Variants in GRID2 observed in about 807,000 individuals in gnomAD.
GRID2 encodes the protein glutamate ionotropic receptor delta type subunit 2.
A neutral mutation model predicts 114.8 loss-of-function variants in GRID2; 33 were observed. The ratio of observed to expected loss-of-function variants is 0.29; its 90% CI spans 0.22 to 0.38. The LOEUF is 0.38. Among genes scored for constraint, GRID2 ranks in the 10% least tolerant of loss-of-function variants. The probability of loss-of-function intolerance (pLI) is 1.00; values close to 1 mark genes in which losing one functional copy is unlikely to be tolerated. For missense variants in GRID2, 1,184 were observed against 1,257.7 expected, an observed-to-expected ratio of 0.94 and a Z score of 0.89; for synonymous variants, 505 against 449.9, an observed-to-expected ratio of 1.12 and a Z score of -1.55.
At chr4:93,754,560 TAGAC>T (rs1227807005) in intron 14 of GRID2, among the ~76,000 whole-genome samples, 3 of 152,180 alleles carry the variant, frequency 2.0e-5, no homozygotes, top group Non-Finnish European at 2.9e-5. Context: ...TAGAAACAAA[TAGAC>T]AGAGTGTAGT....
chr4:93,263,115 C>G (rs1256817346), intron 8 of GRID2, among the ~76,000 whole-genome samples: 1 of 151,780 alleles, frequency 6.6e-6, no homozygotes, highest in Non-Finnish European at 1.5e-5. Flanking sequence ...ATATTTTTCT[C>G]TCATTTATAT....
chr4:92,869,205 T>G (rs1343014610), intron 2 of GRID2, among the ~76,000 whole-genome samples: 1 of 152,210 alleles, frequency 6.6e-6, no homozygotes, highest in Non-Finnish European at 1.5e-5. Flanking sequence ...CTGGTGATAC[T>G]GTCATTAGCT....
intron 2 of GRID2, among the ~76,000 whole-genome samples, chr4:92,757,248 A>G (rs1257412901): frequency 2.0e-5 from 3 of 152,064 alleles, no homozygotes; most frequent in Non-Finnish European, 2.9e-5. Context: ...TGTGGAGGCC[A>G]CTTGTTTTCA....
At chr4:92,337,223 A>G (rs1727234662) in intron 1 of GRID2, among the ~76,000 whole-genome samples, 1 of 151,722 alleles carries the variant, frequency 6.6e-6, no homozygotes, top group Non-Finnish European at 1.5e-5. Flanking sequence ...AATGTTTTTA[A>G]TTTTGGATTG....
chr4:93,045,888 A>G (rs759762610), intron 2 of GRID2, among the ~76,000 whole-genome samples: 3 of 152,126 alleles, frequency 2.0e-5, no homozygotes, highest in Non-Finnish European at 2.9e-5. Flanking sequence ...TTCTAAGCCA[A>G]GTATTTATGG....
At chr4:93,245,402 G>A (rs1748088766) in intron 8 of GRID2, among the ~76,000 whole-genome samples, 1 of 152,206 alleles carries the variant, frequency 6.6e-6, no homozygotes, top group South Asian at 2.1e-4. Context: ...TCCTATCAGA[G>A]TTGGGCACTT....
intron 2 of GRID2, among the ~76,000 whole-genome samples, chr4:92,633,177 T>G (rs941688791): frequency 6.6e-6 from 1 of 151,400 alleles, no homozygotes; most frequent in Admixed American, 6.6e-5. Flanking sequence ...TAAGTGCTAA[T>G]GTATGTTCAA....
chr4:92,342,882 C>T (rs1027337345), intron 1 of GRID2, among the ~76,000 whole-genome samples: 4 of 152,048 alleles, frequency 2.6e-5, no homozygotes, highest in African/African-American at 9.7e-5. Context: ...GAGTTGACAA[C>T]CTATAGAAAG....
chr4:92,902,350 G>A (rs993727025), intron 2 of GRID2, among the ~76,000 whole-genome samples: 3 of 151,936 alleles, frequency 2.0e-5, no homozygotes, highest in African/African-American at 7.2e-5. Flanking sequence ...CTCGCTTAAT[G>A]TAGCTAGTGG....
At chr4:93,077,630 A>G (rs1209764398) in intron 2 of GRID2, among the ~76,000 whole-genome samples, 2 of 152,194 alleles carry the variant, frequency 1.3e-5, no homozygotes, top group East Asian at 3.9e-4. Context: ...TTTGCTTGTT[A>G]TGTTTATGAT....
intron 9 of GRID2, among the ~76,000 whole-genome samples, chr4:93,404,972 A>G (rs115898293): frequency 0.012 from 1,887 of 152,194 alleles, 43 homozygotes; most frequent in African/African-American, 0.043. Context: ...TCCTTTAGAG[A>G]CAATTCAGTA....
At chr4:92,927,599 G>A (rs1160043231) in intron 2 of GRID2, among the ~76,000 whole-genome samples, 1 of 151,790 alleles carries the variant, frequency 6.6e-6, no homozygotes, top group Non-Finnish European at 1.5e-5. Context: ...CAGTAACCAT[G>A]CCTGACCTTT....
chr4:93,038,910 C>G (rs1016538406), intron 2 of GRID2, among the ~76,000 whole-genome samples: 10 of 151,952 alleles, frequency 6.6e-5, no homozygotes, highest in Admixed American at 1.3e-4. Context: ...GACAGTGTGG[C>G]GATTCCTCAA....
At chr4:93,452,357 G>A (rs1459034469) in intron 10 of GRID2, among the ~76,000 whole-genome samples, 1 of 151,854 alleles carries the variant, frequency 6.6e-6, no homozygotes, top group East Asian at 1.9e-4. Context: ...TGGGGAAAAA[G>A]AGTTTTCTCA....
At chr4:92,757,191 A>C (rs1412272001) in intron 2 of GRID2, among the ~76,000 whole-genome samples, 1 of 152,110 alleles carries the variant, frequency 6.6e-6, no homozygotes, top group East Asian at 1.9e-4. Flanking sequence ...TCCCAAAACC[A>C]TTTATTATGT....
intron 2 of GRID2, among the ~76,000 whole-genome samples, chr4:92,835,807 C>A (rs1173734866): frequency 6.6e-6 from 1 of 152,126 alleles, no homozygotes. Flanking sequence ...AGTGTATACA[C>A]TCCCCTCCAC....
chr4:92,325,440 T>C (rs1404057951), intron 1 of GRID2, among the ~76,000 whole-genome samples: 1 of 151,890 alleles, frequency 6.6e-6, no homozygotes, highest in Admixed American at 6.6e-5. Flanking sequence ...ATAATAAATG[T>C]AATAGACTTT....
chr4:93,080,081 A>G (rs1729721538), intron 2 of GRID2, among the ~76,000 whole-genome samples: 1 of 152,154 alleles, frequency 6.6e-6, no homozygotes, highest in Admixed American at 6.6e-5. Context: ...AATATAGACC[A>G]TCTTCTAAAT....
chr4:93,217,078 T>C (rs1023296833), intron 6 of GRID2, 167 bp downstream of exon 6: 2 of 459,750 alleles, frequency 4.4e-6, no homozygotes, highest in Non-Finnish European at 7.7e-6. Flanking sequence ...AATTTGCGTC[T>C]TTGTTCTTTT....
Sources: gnomAD v4.1 joint callset for allele counts (sites outside exome capture counted in the v4.1 genomes callset) on GRCh38, gnomAD v4.1.1 for gene constraint, MANE v1.5 for transcripts, NCBI Gene and HGNC (gene_info 2026-07-23, HGNC 2026-07-21) for gene names.